The following SLC25A18 variants were observed in gnomAD, a reference collection of about 807,000 sequenced individuals.
SLC25A18 encodes solute carrier family 25 member 18.
A neutral mutation model predicts 31.1 loss-of-function variants in SLC25A18; 24 were observed. The ratio of observed to expected loss-of-function variants is 0.77; its 90% CI spans 0.56 to 1.08. The LOEUF is 1.08. Ranked by LOEUF, SLC25A18 falls within the 50% of genes least tolerant of loss-of-function variation. The probability of loss-of-function intolerance (pLI) is 0.00; values close to 1 mark genes in which losing one functional copy is unlikely to be tolerated. For synonymous variants in SLC25A18, 173 were observed against 161.9 expected, an observed-to-expected ratio of 1.07 and a Z score of -0.52; for missense variants, 371 against 418.5, an observed-to-expected ratio of 0.89 and a Z score of 0.99.
rs2057686852 is a variant in SLC25A18 at position 17,590,517 on chromosome 22, T to TTAA, written c.*283_*285dup. 1.4e-5 allele frequency: 5 copies of TTAA among 361,354 alleles called. No individual in the cohort carries two copies. In the South Asian group the frequency reaches 2.7e-4, roughly 20 times the overall value. The allele number at this position is 361,354 out of a possible 1,614,324, so 22.4% of individuals were successfully genotyped here. A position where few individuals can be genotyped will look rare whatever the true frequency, so the allele number is the denominator to read the frequency against. ...CAACAAAAATGGTACTTTCGTTGTA[T>TTAA]TAATTGCAGGACCTTAACAGGTAGT... On this transcript the variant is annotated 3_prime_UTR_variant, in exon 11 of 11. Coordinates refer to ENST00000327451, the MANE Select transcript of SLC25A18 (RefSeq NM_031481.3).
At chr22:17,574,560 AGGCTAGAGTGCAAT>A (rs780774382) in intron 2 of SLC25A18, among the ~76,000 whole-genome samples, 4 of 146,780 alleles carry the variant, frequency 2.7e-5, no homozygotes, top group Non-Finnish European at 5.9e-5. Context: ...TCTGTCGCCC[AGGCTAGAGTGCAAT>A]GGCGTCGTTT....
rs925353230 is a variant in SLC25A18, at chr22:17,579,816, C to G, written c.-129C>G. ...GCTCGGGCCAGGCTGCACTCAAAAC[C>G]CGTGCTCTGTCCACACTGCTACGGG... On this transcript the variant is annotated 5_prime_UTR_variant, in exon 3 of 11. Transcript: ENST00000327451. 27 of 1,457,416 alleles carry G rather than the reference C, an allele frequency of 1.9e-5. 1 individual carries two copies. In the Admixed American group the frequency reaches 5.4e-4, roughly 29 times the overall value. 90.3% of individuals were successfully genotyped at this position (1,457,416 alleles called of 1,614,324 possible).
rs766103556 is a variant in SLC25A18 at position 17,579,967 on chromosome 22, G to A, written c.20+3G>A. On this transcript the variant is annotated splice_donor_region_variant and intron_variant, in intron 3 of 10. Coordinates refer to ENST00000327451, the MANE Select transcript of SLC25A18 (RefSeq NM_031481.3). ...AGAATGACCCACCAGGATCTGAGGT[G>A]AGCTCGGCTGGGGCAGCCTGAGGCC... 10 of 1,610,348 alleles carry A rather than the reference G, an allele frequency of 6.2e-6. No homozygotes were observed. In the East Asian group the frequency reaches 2.2e-4, roughly 36 times the overall value.
At chr22:17,564,911 A>C (rs540288394) in intron 1 of SLC25A18, among the ~76,000 whole-genome samples, 3 of 150,846 alleles carry the variant, frequency 2.0e-5, no homozygotes, top group South Asian at 2.1e-4. Context: ...TCTACAAAAA[A>C]ATAATTGTTT....
intron 4 of SLC25A18, 39 bp downstream of exon 4, chr22:17,581,198 C>CG (rs774814269): frequency 1.9e-6 from 3 of 1,570,494 alleles, no homozygotes; most frequent in South Asian, 1.2e-5. Context: ...CAGAGGCGCC[C>CG]GGGGGAGGGA....
intron 7 of SLC25A18, among the ~76,000 whole-genome samples, chr22:17,586,274 G>GGAGGCC (rs1471285647): frequency 6.6e-6 from 1 of 152,200 alleles, no homozygotes; most frequent in East Asian, 1.9e-4. Context: ...CAGCACTTTG[G>GGAGGCC]GAGGCAGGTG....
chr22:17,567,964 A>T (rs1189647656), intron 1 of SLC25A18, among the ~76,000 whole-genome samples: 2 of 151,968 alleles, frequency 1.3e-5, no homozygotes, highest in African/African-American at 2.4e-5. Context: ...TTATAACCTG[A>T]TGGGTCTACT....
intron 1 of SLC25A18, among the ~76,000 whole-genome samples, chr22:17,568,363 T>C (rs1264347937): frequency 8.2e-6 from 1 of 121,706 alleles, no homozygotes; most frequent in South Asian, 2.5e-4. Flanking sequence ...CAAGACTCCA[T>C]CTCAAAAAAA....
At chr22:17,567,425 C>A (rs2056965902) in intron 1 of SLC25A18, among the ~76,000 whole-genome samples, 1 of 152,010 alleles carries the variant, frequency 6.6e-6, no homozygotes, top group Non-Finnish European at 1.5e-5. Flanking sequence ...ATGTCCCATT[C>A]CCCTTTTATG....
intron 7 of SLC25A18, among the ~76,000 whole-genome samples, chr22:17,584,473 A>AGAGAGAGAGAGAGAGAGAGAG (rs1569190772): frequency 9.6e-5 from 11 of 115,148 alleles, no homozygotes; most frequent in African/African-American, 4.5e-4. Context: ...GAGAGAGAGA[A>AGAGAGAGAGAGAGAGAGAGAG]AGAAAGAAAG....
At chr22:17,574,416 T>C (rs1209728516) in intron 2 of SLC25A18, among the ~76,000 whole-genome samples, 2 of 152,080 alleles carry the variant, frequency 1.3e-5, no homozygotes, top group African/African-American at 4.8e-5. Flanking sequence ...TGCAGCCTCC[T>C]TCCCACAGTT....
At chr22:17,574,456 G>C (rs566336425) in intron 2 of SLC25A18, among the ~76,000 whole-genome samples, 2 of 151,168 alleles carry the variant, frequency 1.3e-5, no homozygotes, top group Non-Finnish European at 2.9e-5. Context: ...CTCACACCAA[G>C]CCCACATCCA....
chr22:17,573,404 C>T (rs1242321322), intron 2 of SLC25A18, among the ~76,000 whole-genome samples: 1 of 152,140 alleles, frequency 6.6e-6, no homozygotes, highest in East Asian at 1.9e-4. Flanking sequence ...TCTGACTCTA[C>T]ACCAGAACCA....
At chr22:17,572,221 C>T (rs1428482230) in intron 2 of SLC25A18, among the ~76,000 whole-genome samples, 1 of 151,740 alleles carries the variant, frequency 6.6e-6, no homozygotes, top group East Asian at 1.9e-4. Context: ...CAGTGGCTCA[C>T]CCCTGTAATC....
In SLC25A18 at chr22:17,579,953, C is replaced by T. The variant is rs200709810; in HGVS notation, c.9C>T (p.His3=). The T allele has an allele frequency of 6.2e-6, 10 of 1,611,280 alleles. No homozygotes were observed. The East Asian group carries it at 2.2e-4, about 36-fold the overall frequency. MT[H]QDLSITAKLI... is the part of the protein sequence containing the mutation. ...TCCCCAGCCCCTGCAGAATGACCCA[C>T]CAGGATCTGAGGTGAGCTCGGCTGG... Residue 3 remains histidine, a synonymous_variant, in exon 3 of 11, where the codon CAC becomes CAT. Transcript: ENST00000327451.
At chr22:17,572,980 G>T (rs1004048257) in intron 2 of SLC25A18, among the ~76,000 whole-genome samples, 1 of 152,088 alleles carries the variant, frequency 6.6e-6, no homozygotes, top group East Asian at 1.9e-4. Flanking sequence ...GGGCGTGATG[G>T]TGCACACCTG....
intron 10 of SLC25A18, among the ~76,000 whole-genome samples, 188 bp downstream of exon 10, chr22:17,589,853 G>T (rs1175945500): frequency 2.0e-5 from 3 of 152,174 alleles, no homozygotes; most frequent in Admixed American, 2.0e-4. Context: ...CATCCCTACA[G>T]CATCTCTCAC....
intron 7 of SLC25A18, among the ~76,000 whole-genome samples, chr22:17,584,446 G>GGAAAGAGAGAGAGAGAGAGA (rs1205165235): frequency 8.6e-6 from 1 of 116,824 alleles, no homozygotes; most frequent in African/African-American, 3.4e-5. Context: ...AAGGAAGGAA[G>GGAAAGAGAGAGAGAGAGAGA]GAGAGAGAGA....
intron 2 of SLC25A18, among the ~76,000 whole-genome samples, chr22:17,571,470 TG>T (rs2057085124): frequency 6.6e-6 from 1 of 152,154 alleles, no homozygotes; most frequent in Admixed American, 6.5e-5. Context: ...TCAGTTACAA[TG>T]TATTAAGAAT....
Sources: allele counts gnomAD v4.1 joint callset (sites outside exome capture counted in the v4.1 genomes callset), GRCh38; gene constraint gnomAD v4.1.1; transcripts MANE v1.5; gene names NCBI Gene and HGNC (gene_info 2026-07-23, HGNC 2026-07-21).